The following CMSS1 variants were observed in gnomAD, a reference collection of about 807,000 sequenced individuals.
CMSS1 encodes protein CMSS1.
CMSS1 carries 33 observed loss-of-function variants against 43.5 expected under a neutral mutation model. The observed-to-expected ratio is 0.76, with a 90% CI of 0.57 to 1.01. The LOEUF is 1.01. CMSS1 is among the 50% of genes least tolerant of loss of function. CMSS1 has a pLI of 0.00. For missense variants in CMSS1, 313 were observed against 326.4 expected, an observed-to-expected ratio of 0.96 and a Z score of 0.32; for synonymous variants, 115 against 117.2, an observed-to-expected ratio of 0.98 and a Z score of 0.12.
rs1432469377 is a variant in CMSS1, at chr3:100,146,089, A to C, written c.65-884A>C. Among the ~76,000 whole-genome samples, 3 of 152,366 alleles carry C rather than the reference A, an allele frequency of 2.0e-5. No individual in the cohort carries two copies. In the East Asian group the frequency reaches 5.8e-4, roughly 29 times the overall value. On this transcript the variant is annotated intron_variant, in intron 1 of 9. Coordinates refer to ENST00000421999, the MANE Select transcript of CMSS1 (RefSeq NM_032359.4). ...TGAGATATACAGAGAAACTCAAGGG[A>C]ATGAGTAAAGTCTTTCATAGATCAA...
intron 1 of CMSS1, among the ~76,000 whole-genome samples, chr3:99,927,398 T>G (rs1707327886): frequency 6.6e-6 from 1 of 151,762 alleles, no homozygotes; most frequent in Non-Finnish European, 1.5e-5. Context: ...AGACGGAGTT[T>G]CGCTTTTGTT....
At chr3:100,029,797 A>G (rs189237054) in intron 1 of CMSS1, among the ~76,000 whole-genome samples, 4 of 152,302 alleles carry the variant, frequency 2.6e-5, no homozygotes, top group Admixed American at 2.6e-4. Context: ...GCCTGTCACT[A>G]CGCTATATAG....
At chr3:100,004,741 G>T (rs1709940798) in intron 1 of CMSS1, among the ~76,000 whole-genome samples, 2 of 152,180 alleles carry the variant, frequency 1.3e-5, no homozygotes, top group African/African-American at 4.8e-5. Flanking sequence ...GGTAGGATTG[G>T]TGGGTTTAAA....
intron 1 of CMSS1, among the ~76,000 whole-genome samples, chr3:99,999,251 G>A (rs1709773993): frequency 1.3e-5 from 2 of 152,144 alleles, no homozygotes; most frequent in African/African-American, 2.4e-5. Flanking sequence ...TCTCACTGTA[G>A]CAAGGAGGAA....
At chr3:99,913,113 A>G (rs1026103656) in intron 1 of CMSS1, among the ~76,000 whole-genome samples, 4 of 152,198 alleles carry the variant, frequency 2.6e-5, no homozygotes, top group Non-Finnish European at 4.4e-5. Context: ...AACCCAGAAG[A>G]GGGCCCTTAC....
chr3:100,034,847 A>G (rs2065080132), intron 1 of CMSS1, among the ~76,000 whole-genome samples: 7 of 152,220 alleles, frequency 4.6e-5, no homozygotes, highest in Admixed American at 4.6e-4. Context: ...AACGGTATAT[A>G]CATACGAATA....
chr3:100,042,134 G>A (rs778016135), intron 1 of CMSS1, among the ~76,000 whole-genome samples: 2 of 152,022 alleles, frequency 1.3e-5, no homozygotes, highest in Non-Finnish European at 2.9e-5. Flanking sequence ...TTTAAATGTA[G>A]TCATTATTAC....
intron 1 of CMSS1, among the ~76,000 whole-genome samples, chr3:99,832,560 A>AAC (rs201155810): frequency 8.3e-6 from 1 of 120,808 alleles, no homozygotes; most frequent in Non-Finnish European, 1.7e-5. Context: ...AAAAAAAAAA[A>AAC]GGCCTAGCGC....
intron 1 of CMSS1, among the ~76,000 whole-genome samples, chr3:100,130,261 G>A (rs1322229802): frequency 6.6e-6 from 1 of 152,070 alleles, no homozygotes; most frequent in African/African-American, 2.4e-5. Context: ...TGAATTTCCT[G>A]GACCTGAATT....
intron 1 of CMSS1, among the ~76,000 whole-genome samples, chr3:99,975,447 CTGAGTA>C (rs1708940757): frequency 6.6e-6 from 1 of 152,012 alleles, no homozygotes; most frequent in Non-Finnish European, 1.5e-5. Context: ...CAAAAATTAG[CTGAGTA>C]TGGTGGCGGG....
chr3:99,917,967 TTTTTG>T (rs1218470674), intron 1 of CMSS1, among the ~76,000 whole-genome samples: 6 of 151,938 alleles, frequency 3.9e-5, no homozygotes, highest in Non-Finnish European at 7.4e-5. Context: ...GTTTGTTTGT[TTTTTG>T]TTTTGTTTTG....
intron 1 of CMSS1, among the ~76,000 whole-genome samples, chr3:100,014,311 A>G (rs77345014): frequency 5.1e-4 from 77 of 152,252 alleles, no homozygotes; most frequent in African/African-American, 1.8e-3. Flanking sequence ...ATGAGAATGT[A>G]GATATCTTTT....
intron 1 of CMSS1, among the ~76,000 whole-genome samples, chr3:99,981,022 T>G (rs558813656): frequency 6.6e-6 from 1 of 152,132 alleles, no homozygotes; most frequent in Non-Finnish European, 1.5e-5. Context: ...AAGAGACAAT[T>G]GGTCTTGCTA....
At chr3:100,143,181 T>C (rs1206613638) in intron 1 of CMSS1, among the ~76,000 whole-genome samples, 2 of 152,198 alleles carry the variant, frequency 1.3e-5, no homozygotes, top group Admixed American at 1.3e-4. Context: ...TTAGATTTCT[T>C]GGGATTTTTT....
At chr3:100,131,708 T>G (rs1479341648) in intron 1 of CMSS1, among the ~76,000 whole-genome samples, 4 of 152,218 alleles carry the variant, frequency 2.6e-5, no homozygotes, top group Non-Finnish European at 4.4e-5. Flanking sequence ...GCTCAATGTG[T>G]TTTTTAAATA....
Position 100,151,534 on chromosome 3 carries a change from G to A in CMSS1, c.153+4473G>A, listed in dbSNP as rs917198619. Among the ~76,000 whole-genome samples the A allele has an allele frequency of 5.3e-5, 8 of 152,280 alleles. No homozygotes were observed. In the East Asian group the frequency reaches 7.7e-4, roughly 15 times the overall value. ...TTGCAGTTGCCTTTCCCCAGGCCGA[G>A]TGATCCAAGAGGGAACCAGCAAAAG... is the stretch of plus-strand genomic sequence containing the variant. On this transcript the variant is annotated intron_variant, in intron 2 of 9. Coordinates refer to ENST00000421999, the MANE Select transcript of CMSS1 (RefSeq NM_032359.4).
At chr3:99,987,817 A>T (rs963253705) in intron 1 of CMSS1, among the ~76,000 whole-genome samples, 6 of 152,222 alleles carry the variant, frequency 3.9e-5, no homozygotes, top group Non-Finnish European at 8.8e-5. Flanking sequence ...AAATGTTTTT[A>T]TTAACTTAAA....
At chr3:99,904,609 T>A (rs1271865167) in intron 1 of CMSS1, among the ~76,000 whole-genome samples, 1 of 152,208 alleles carries the variant, frequency 6.6e-6, no homozygotes, top group African/African-American at 2.4e-5. Flanking sequence ...CTCTTTTTTT[T>A]GTTTTTTTGT....
At chr3:100,071,847 T>A (rs1216414777) in intron 1 of CMSS1, among the ~76,000 whole-genome samples, 1 of 152,150 alleles carries the variant, frequency 6.6e-6, no homozygotes, top group Non-Finnish European at 1.5e-5. Context: ...GGCACCCAAC[T>A]TCATTATTTC....
Sources: gnomAD v4.1 joint callset for allele counts (sites outside exome capture counted in the v4.1 genomes callset) on GRCh38, gnomAD v4.1.1 for gene constraint, MANE v1.5 for transcripts, NCBI Gene and HGNC (gene_info 2026-07-23, HGNC 2026-07-21) for gene names.